Variants in IGFBP6 observed in about 807,000 individuals in gnomAD.
The protein encoded by IGFBP6 is insulin-like growth factor-binding protein 6.
Under a neutral mutation model 24.5 loss-of-function variants are expected in IGFBP6, and 24 were observed. That is an observed-to-expected ratio of 0.98 (90% CI 0.71 to 1.38). The LOEUF is 1.38. IGFBP6 is among the 40% of genes most tolerant of loss of function. The pLI is 0.00. For missense variants in IGFBP6, 331 were observed against 324.8 expected (o/e 1.02, Z -0.15); for synonymous variants, 147 against 137.4 (o/e 1.07, Z -0.49).
rs1327636863 is a variant in IGFBP6, at chr12:53,102,338, G to T, written c.*171G>T. The T allele has an allele frequency of 4.4e-6, 3 of 685,996 alleles. No homozygotes were observed. The East Asian group carries it at 8.8e-5, about 20-fold the overall frequency. 42.5% of individuals were successfully genotyped at this position (685,996 alleles called of 1,614,324 possible). On this transcript the variant is annotated 3_prime_UTR_variant, in exon 4 of 4. Coordinates refer to ENST00000301464, the MANE Select transcript of IGFBP6 (RefSeq NM_002178.3). ...GGGTGTCAATAAAGCTGTGCTTGGGGTCGCTGGCTTGTGTCTCTGTGTCTG... is the reference window on the plus strand; with the variant it reads ...GGGTGTCAATAAAGCTGTGCTTGGGTTCGCTGGCTTGTGTCTCTGTGTCTG...
At chr12:53,100,689 T>C in intron 1 of IGFBP6, 23 bp from the exon 2 acceptor site, 1 of 1,613,576 alleles carries the variant, frequency 6.2e-7, no homozygotes, top group African/African-American at 1.3e-5. Flanking sequence ...TTCTGACCTC[T>C]CCTTCTCCTA....
At chr12:53,099,026 G>A in intron 1 of IGFBP6, 1 of 213,156 alleles carries the variant, frequency 4.7e-6, no homozygotes. Flanking sequence ...AGGGAATGAA[G>A]GAGAAGGTCT....
chr12:53,097,724 C>G lies in IGFBP6; in HGVS notation c.7C>G (p.Pro3Ala). MTPHRLLPPLLLL... is the reference protein window; with the variant it reads MTAHRLLPPLLLL... ...CGGGGCACAAACCCTGACCATGACCCCCCACAGGCTGCTGCCACCGCTGCT... is the reference window on the plus strand; with the variant it reads ...CGGGGCACAAACCCTGACCATGACCGCCCACAGGCTGCTGCCACCGCTGCT... Residue 3 changes from proline (P) to alanine (A), a missense_variant, in exon 1 of 4, where the codon CCC becomes GCC. Pro to Ala is a conservative substitution (Grantham distance 27, BLOSUM62 -1). Transcript: ENST00000301464. 1.3e-6 allele frequency: 2 copies of G among 1,545,042 alleles called. No homozygotes were observed. Among genetic ancestry groups the G allele is most frequent in the Non-Finnish European group, 1.7e-6 (2 of 1,146,470 alleles).
rs374678522 is a variant in IGFBP6 at position 53,101,205 on chromosome 12, G to C, written c.600+45G>C. ...CCTCCTGCTCCAGCAGAAGGCTCCTGCCAGGGAGTGGGGGCGGTGCTGCTT... is the reference window on the plus strand; with the variant it reads ...CCTCCTGCTCCAGCAGAAGGCTCCTCCCAGGGAGTGGGGGCGGTGCTGCTT... On this transcript the variant is annotated intron_variant, in intron 3 of 3. Transcript: ENST00000301464. The C allele has an allele frequency of 2.5e-6, 4 of 1,602,910 alleles. No individual in the cohort carries two copies. The African/African-American group carries it at 4.0e-5, about 16-fold the overall frequency.
intron 3 of IGFBP6, among the ~76,000 whole-genome samples, chr12:53,101,457 C>T (rs1937826742): frequency 6.6e-6 from 1 of 152,216 alleles, no homozygotes; most frequent in African/African-American, 2.4e-5. Flanking sequence ...GGCAGCCTTC[C>T]TGATTCAGGA....
chr12:53,102,136 G>A lies in IGFBP6; in HGVS notation c.692G>A (p.Ser231Asn). The A allele has an allele frequency of 1.2e-6, 2 of 1,614,002 alleles. No individual in the cohort carries two copies. The highest frequency in any genetic ancestry group is 1.7e-6 in the Non-Finnish European group (2 of 1,179,978). The change falls in exon 4 of 4, where the codon AGC becomes AAC. Residue 231 changes from serine to asparagine, a missense_variant. Physicochemically the swap from Ser to Asn is conservative, Grantham distance 46. Transcript: ENST00000301464. Reference sequence around the variant, plus strand: ...CCAGGGTCTCCAGATGGCAATGGAAGCTCCTCCTGCCCCACTGGGAGTAGC... The same window carrying A: ...CCAGGGTCTCCAGATGGCAATGGAAACTCCTCCTGCCCCACTGGGAGTAGC... ...SLPGSPDGNG[S>N]SSCPTGSSG
At chr12:53,099,771 T>C (rs1001124364) in intron 1 of IGFBP6, among the ~76,000 whole-genome samples, 5 of 151,832 alleles carry the variant, frequency 3.3e-5, no homozygotes, top group African/African-American at 1.2e-4. Flanking sequence ...TAAAATTAAG[T>C]AATTAGTTAA....
rs1212727893 is a variant in IGFBP6, at chr12:53,100,813, A to C, written c.436A>C (p.Thr146Pro). The change falls in exon 2 of 4, where the codon ACG becomes CCG. Residue 146 changes from threonine (T) to proline (P), a missense_variant. Physicochemically the swap from Thr to Pro is conservative, Grantham distance 38. Coordinates refer to ENST00000301464, the MANE Select transcript of IGFBP6 (RefSeq NM_002178.3). ...DQQRNPGTST[T>P]PSQPNSAGVQ... ...ACAGAGGAATCCAGGCACCTCTACC[A>C]CGCCCTCCCAGCCCAATTCTGCGGG... 4 of 1,614,030 alleles carry C rather than the reference A, an allele frequency of 2.5e-6. No homozygotes were observed. In the Admixed American group the frequency reaches 5.0e-5, roughly 20 times the overall value.
At chr12:53,098,203 G>A (rs962157031) in intron 1 of IGFBP6, 152 bp downstream of exon 1, 3 of 971,272 alleles carry the variant, frequency 3.1e-6, no homozygotes, top group East Asian at 3.3e-5. Flanking sequence ...TGGGGGAGAA[G>A]GGGCAAGTGC....
At position 53,101,280 on chromosome 12, in the gene IGFBP6, T is replaced by G. The variant is rs1413483570; in HGVS notation, c.600+120T>G. ...GCCCCATCTTTAAGGATCTTCCAAC[T>G]TTAGGAGAACATAGAGAATATAATT... On this transcript the variant is annotated intron_variant, in intron 3 of 3. Transcript: ENST00000301464. 3.0e-6 allele frequency: 3 copies of G among 993,016 alleles called. No homozygotes were observed. The African/African-American group carries it at 4.9e-5, about 16-fold the overall frequency. 61.5% of individuals were successfully genotyped at this position (993,016 alleles called of 1,614,324 possible).
chr12:53,100,820 C>T lies in IGFBP6; in HGVS notation c.443C>T (p.Ser148Phe), dbSNP rs144635498. Residue 148 changes from serine (S) to phenylalanine (F), a missense_variant, in exon 2 of 4, where the codon TCC (serine) becomes TTC (phenylalanine). Ser to Phe is a radical substitution (Grantham distance 155). Coordinates refer to ENST00000301464, the MANE Select transcript of IGFBP6 (RefSeq NM_002178.3). ...QRNPGTSTTP[S>F]QPNSAGVQDT... ...AATCCAGGCACCTCTACCACGCCCT[C>T]CCAGCCCAATTCTGCGGGTGTCCAA... The T allele has an allele frequency of 4.9e-5, 79 of 1,614,104 alleles. No homozygotes were observed. The highest frequency in any genetic ancestry group is 5.7e-5 in the Non-Finnish European group (67 of 1,180,064).
intron 1 of IGFBP6, 71 bp from the exon 2 acceptor site, chr12:53,100,641 A>T (rs1182684177): frequency 1.1e-5 from 17 of 1,500,728 alleles, no homozygotes; most frequent in Admixed American, 1.7e-5. Context: ...TCAGCAGGTG[A>T]TGTGGGCAAG....
rs1219446039 is a variant in IGFBP6, at chr12:53,102,263, C to T, written c.*96C>T. The stretch of plus-strand genomic sequence containing the variant: ...AGGCCCTCAATCCACCTTCAGGCCC[C>T]GCCCCATGGGCCCCTCACCGCTGGT... On this transcript the variant is annotated 3_prime_UTR_variant, in exon 4 of 4. Coordinates refer to ENST00000301464, the MANE Select transcript of IGFBP6 (RefSeq NM_002178.3). The T allele has an allele frequency of 5.0e-6, 7 of 1,409,590 alleles. No homozygotes were observed. The highest frequency in any genetic ancestry group is 2.8e-5 in the African/African-American group (2 of 70,260). 87.3% of individuals were successfully genotyped at this position (1,409,590 alleles called of 1,614,324 possible).
At position 53,102,130 on chromosome 12, in the gene IGFBP6, A is replaced by G. The variant is rs753218912; in HGVS notation, c.686A>G (p.Asn229Ser). The part of the protein sequence containing the change: ...GKSLPGSPDG[N>S]GSSSCPTGSS... ...TCCCTGCCAGGGTCTCCAGATGGCAATGGAAGCTCCTCCTGCCCCACTGGG... is the reference window on the plus strand; with the variant it reads ...TCCCTGCCAGGGTCTCCAGATGGCAGTGGAAGCTCCTCCTGCCCCACTGGG... The change falls in exon 4 of 4, where the codon AAT (asparagine) becomes AGT (serine). Residue 229 changes from asparagine to serine, a missense_variant. By Grantham distance (46) the Asn-to-Ser change is conservative. Transcript: ENST00000301464. 1 of 1,613,900 alleles carries G rather than the reference A, an allele frequency of 6.2e-7. No individual in the cohort carries two copies. The highest frequency in any genetic ancestry group is 8.5e-7 in the Non-Finnish European group (1 of 1,179,944).
intron 1 of IGFBP6, among the ~76,000 whole-genome samples, chr12:53,100,308 C>T (rs540557597): frequency 7.9e-5 from 12 of 152,176 alleles, no homozygotes; most frequent in East Asian, 1.9e-4. Flanking sequence ...TGCAGGTGCA[C>T]GCCACCACAC....
intron 1 of IGFBP6, chr12:53,099,042 G>A: frequency 4.3e-6 from 1 of 233,752 alleles, no homozygotes; most frequent in South Asian, 3.8e-5. Context: ...GGTCTGGGGA[G>A]GGGTGGGCAT....
rs570677854 is a variant in IGFBP6 at position 53,099,777 on chromosome 12, G to A, written c.335-935G>A. 1.3e-5 allele frequency among the ~76,000 whole-genome samples: 2 copies of A among 151,072 alleles called. 1 individual carries two copies. Among genetic ancestry groups the A allele is most frequent in the South Asian group, 4.2e-4 (2 of 4,752 alleles). The stretch of plus-strand genomic sequence containing the variant: ...TTAATTTTTTAAAATTAAGTAATTA[G>A]TTAATTTTTTAAAATTAAGTAATTA... On this transcript the variant is annotated intron_variant, in intron 1 of 3. Transcript: ENST00000301464.
chr12:53,098,755 G>A lies in IGFBP6; in HGVS notation c.334+704G>A, dbSNP rs144275349. Reference sequence around the variant, plus strand: ...CCACCCTGCTCCAGGGAGGAGAGCAGAAGCTGAGTCACTGGGTGGGTGGGA... The same window carrying A: ...CCACCCTGCTCCAGGGAGGAGAGCAAAAGCTGAGTCACTGGGTGGGTGGGA... On this transcript the variant is annotated intron_variant, in intron 1 of 3. Coordinates refer to ENST00000301464, the MANE Select transcript of IGFBP6 (RefSeq NM_002178.3). Among the ~76,000 whole-genome samples the A allele has an allele frequency of 2.6e-4, 39 of 152,296 alleles. 1 individual carries two copies. In the East Asian group the frequency reaches 7.3e-3, roughly 29 times the overall value.
intron 3 of IGFBP6, among the ~76,000 whole-genome samples, chr12:53,101,682 G>A (rs1370332380): frequency 1.3e-5 from 2 of 152,024 alleles, no homozygotes; most frequent in African/African-American, 2.4e-5. Flanking sequence ...GGTGGATCAC[G>A]AGGTCAGGAG....
Sources: allele counts gnomAD v4.1 joint callset (sites outside exome capture counted in the v4.1 genomes callset), GRCh38; gene constraint gnomAD v4.1.1; transcripts MANE v1.5; gene names NCBI Gene and HGNC (gene_info 2026-07-23, HGNC 2026-07-21).